Variants in ADGB observed in about 807,000 individuals in gnomAD.
The protein encoded by ADGB is androglobin, also known as calpain-7-like protein.
ADGB carries 172 observed loss-of-function variants against 210.5 expected under a neutral mutation model. The ratio of observed to expected loss-of-function variants is 0.82; its 90% confidence interval spans 0.72 to 0.93. The LOEUF (loss-of-function observed/expected upper bound fraction) is 0.93. ADGB is among the 40% of genes least tolerant of loss of function. ADGB has a pLI of 0.00. For synonymous variants in ADGB, 658 were observed against 662.7 expected, an observed-to-expected ratio of 0.99 and a Z score of 0.11; for missense variants, 2,025 against 1,964.8, an observed-to-expected ratio of 1.03 and a Z score of -0.58.
chr6:146,719,453 G>T (rs1000156859), intron 16 of ADGB, among the ~76,000 whole-genome samples: 3 of 151,528 alleles, frequency 2.0e-5, no homozygotes, highest in Non-Finnish European at 4.4e-5. Context: ...TTTAATTAAT[G>T]GTATGAGAAA....
At chr6:146,746,679 A>G (rs536770169) in intron 26 of ADGB, among the ~76,000 whole-genome samples, 1 of 152,048 alleles carries the variant, frequency 6.6e-6, no homozygotes, top group East Asian at 1.9e-4. Flanking sequence ...CTTTACTTCC[A>G]CAGTAATTGC....
intron 2 of ADGB, among the ~76,000 whole-genome samples, chr6:146,641,677 G>T (rs1338483506): frequency 6.6e-6 from 1 of 151,874 alleles, no homozygotes; most frequent in East Asian, 1.9e-4. Context: ...TTCAATAAAT[G>T]GTGCTGAGAT....
At chr6:146,682,777 G>A (rs1177049515) in intron 9 of ADGB, among the ~76,000 whole-genome samples, 2 of 152,060 alleles carry the variant, frequency 1.3e-5, no homozygotes, top group Non-Finnish European at 2.9e-5. Flanking sequence ...GAACAAATAG[G>A]AATTATCTAA....
Position 146,690,825 on chromosome 6 carries a change from G to A in ADGB, c.1312-291G>A, listed in dbSNP as rs143593815. 3.8e-3 allele frequency among the ~76,000 whole-genome samples: 581 copies of A among 152,206 alleles called. 1 individual carries two copies. The highest frequency in any genetic ancestry group is 0.013 in the African/African-American group (538 of 41,550). Reference sequence around the variant, plus strand: ...ATGGCTGATTAATTTTGGACTAACTGGTGTGCTAAGATTTTGTGCAATCTC... The same window carrying A: ...ATGGCTGATTAATTTTGGACTAACTAGTGTGCTAAGATTTTGTGCAATCTC... On this transcript the variant is annotated intron_variant, in intron 10 of 35. Transcript: ENST00000397944.
intron 6 of ADGB, among the ~76,000 whole-genome samples, chr6:146,665,126 C>G (rs755863330): frequency 1.3e-5 from 2 of 151,998 alleles, no homozygotes; most frequent in Non-Finnish European, 2.9e-5. Flanking sequence ...CAAAGATTCT[C>G]GATATTTAAC....
At chr6:146,606,205 T>G (rs1383541489) in intron 1 of ADGB, among the ~76,000 whole-genome samples, 1 of 152,042 alleles carries the variant, frequency 6.6e-6, no homozygotes, top group Non-Finnish European at 1.5e-5. Flanking sequence ...ATATGCTTGT[T>G]GGCTGTCTGT....
At chr6:146,771,586 T>G (rs1777654318) in intron 29 of ADGB, among the ~76,000 whole-genome samples, 1 of 152,200 alleles carries the variant, frequency 6.6e-6, no homozygotes, top group East Asian at 1.9e-4. Context: ...CCATTCTCTG[T>G]CTTCTTTTTC....
intron 16 of ADGB, among the ~76,000 whole-genome samples, chr6:146,719,372 T>A (rs6900652): frequency 0.54 from 81,704 of 150,728 alleles, 22,820 homozygotes; most frequent in African/African-American, 0.68. Flanking sequence ...AAGCACAGAA[T>A]TTTTTTTCTT....
chr6:146,651,093 AGCAAGAGATGAT>A (rs1345456464), intron 3 of ADGB, among the ~76,000 whole-genome samples: 1 of 152,220 alleles, frequency 6.6e-6, no homozygotes, highest in African/African-American at 2.4e-5. Flanking sequence ...AGAGAATGAT[AGCAAGAGATGAT>A]GCCATGAACG....
At chr6:146,723,528 G>C (rs1049286736) in intron 17 of ADGB, among the ~76,000 whole-genome samples, 1 of 152,106 alleles carries the variant, frequency 6.6e-6, no homozygotes. Flanking sequence ...CTGAGGTCAG[G>C]AGTTCGAGAC....
chr6:146,694,525 G>A (rs147671018), intron 12 of ADGB, among the ~76,000 whole-genome samples: 2,024 of 152,238 alleles, frequency 0.013, 53 homozygotes, highest in African/African-American at 0.046. Flanking sequence ...GATGGCAGAA[G>A]TATATACACA....
intron 12 of ADGB, among the ~76,000 whole-genome samples, chr6:146,694,182 C>T (rs567197332): frequency 2.6e-5 from 4 of 152,120 alleles, no homozygotes; most frequent in Non-Finnish European, 5.9e-5. Context: ...ATCCCACTTG[C>T]TAGCATTCAT....
At chr6:146,796,520 C>T (rs950216312) in intron 33 of ADGB, among the ~76,000 whole-genome samples, 2 of 152,010 alleles carry the variant, frequency 1.3e-5, no homozygotes, top group Admixed American at 6.6e-5. Flanking sequence ...GAAACAGACA[C>T]GTAGACAATG....
At chr6:146,698,826 G>A (rs2114541579) in intron 12 of ADGB, among the ~76,000 whole-genome samples, 1 of 152,162 alleles carries the variant, frequency 6.6e-6, no homozygotes, top group East Asian at 1.9e-4. Flanking sequence ...GAGGCAAGTG[G>A]TGCCTCTTGC....
intron 1 of ADGB, 82 bp downstream of exon 1, chr6:146,599,196 C>A: frequency 7.7e-7 from 1 of 1,303,692 alleles, no homozygotes; most frequent in Non-Finnish European, 1.1e-6. Flanking sequence ...CTCCCTGCAG[C>A]AAACTGTGCC....
At chr6:146,686,260 A>C (rs1041663633) in intron 10 of ADGB, among the ~76,000 whole-genome samples, 1 of 152,088 alleles carries the variant, frequency 6.6e-6, no homozygotes, top group Non-Finnish European at 1.5e-5. Context: ...AGATACTGCT[A>C]TGACCTTTCT....
intron 13 of ADGB, among the ~76,000 whole-genome samples, chr6:146,706,011 A>G (rs543027572): frequency 1.3e-5 from 2 of 149,602 alleles, no homozygotes; most frequent in East Asian, 4.0e-4. Flanking sequence ...TGCAGCCTTG[A>G]ACTCCTGGGC....
At chr6:146,734,524 G>C (rs1469673689) in intron 22 of ADGB, among the ~76,000 whole-genome samples, 1 of 152,078 alleles carries the variant, frequency 6.6e-6, no homozygotes, top group Non-Finnish European at 1.5e-5. Context: ...CATCTAGAAG[G>C]CATAAAATGC....
chr6:146,611,404 C>T (rs1038549367), intron 1 of ADGB, among the ~76,000 whole-genome samples: 3 of 152,060 alleles, frequency 2.0e-5, no homozygotes, highest in Non-Finnish European at 2.9e-5. Context: ...CATTCCTGTG[C>T]CAAATTTTCT....
Sources: allele counts gnomAD v4.1 joint callset (sites outside exome capture counted in the v4.1 genomes callset), GRCh38; gene constraint gnomAD v4.1.1; transcripts MANE v1.5; gene names NCBI Gene and HGNC (gene_info 2026-07-23, HGNC 2026-07-21).